Variants in SNTB1 observed in about 807,000 individuals in gnomAD.
SNTB1 encodes syntrophin beta 1, also known as beta-1-syntrophin.
Under a neutral mutation model 48.9 loss-of-function variants are expected in SNTB1, and 36 were observed. The observed-to-expected ratio is 0.74, with a 90% CI of 0.56 to 0.97. SNTB1 has a LOEUF of 0.97. Ranked by LOEUF, SNTB1 falls within the 50% of genes least tolerant of loss-of-function variation. The pLI is 0.00. For missense variants in SNTB1, 786 were observed against 703.4 expected (o/e 1.12, Z -1.33); for synonymous variants, 299 against 294.6 (o/e 1.01, Z -0.15).
chr8:120,670,560 G>A (rs1474639410), intron 2 of SNTB1, among the ~76,000 whole-genome samples: 1 of 152,206 alleles, frequency 6.6e-6, no homozygotes, highest in African/African-American at 2.4e-5. Context: ...AGCAGAAGAT[G>A]TCACTAAGGT....
At chr8:120,572,837 C>A (rs1587001930) in intron 4 of SNTB1, among the ~76,000 whole-genome samples, 2 of 152,152 alleles carry the variant, frequency 1.3e-5, no homozygotes, top group Non-Finnish European at 2.9e-5. Flanking sequence ...ATCACTTGAA[C>A]CCGGGAGGCA....
chr8:120,603,343 ACC>A, intron 3 of SNTB1, among the ~76,000 whole-genome samples: 1 of 151,986 alleles, frequency 6.6e-6, no homozygotes, highest in Non-Finnish European at 1.5e-5. Context: ...CAAGTGATCC[ACC>A]CGCCTTGGCC....
chr8:120,642,782 C>T lies in SNTB1; in HGVS notation c.789-10131G>A, dbSNP rs188181314. Among the ~76,000 whole-genome samples the T allele has an allele frequency of 3.3e-3, 498 of 152,182 alleles. 2 individuals carry two copies. Among genetic ancestry groups the T allele is most frequent in the African/African-American group, 0.011 (470 of 41,512 alleles). On this transcript the variant is annotated intron_variant, in intron 2 of 6. Transcript: ENST00000517992. ...TAAAAATTAGTCAGGCATGGTGGTG[C>T]ACACCTGTAGTCCCAGCTACTCAGG...
intron 3 of SNTB1, among the ~76,000 whole-genome samples, chr8:120,609,226 A>G (rs1816577222): frequency 2.6e-5 from 4 of 152,216 alleles, no homozygotes; most frequent in Admixed American, 2.6e-4. Flanking sequence ...GCAAGAAAAA[A>G]TATCTTAAAA....
At chr8:120,587,391 C>A (rs1289478118) in intron 3 of SNTB1, among the ~76,000 whole-genome samples, 1 of 152,192 alleles carries the variant, frequency 6.6e-6, no homozygotes, top group Admixed American at 6.5e-5. Flanking sequence ...CCACAATAAT[C>A]CTCTGGCCCC....
At chr8:120,546,018 G>A (rs545152292) in intron 5 of SNTB1, among the ~76,000 whole-genome samples, 39 of 152,310 alleles carry the variant, frequency 2.6e-4, no homozygotes, top group African/African-American at 8.7e-4. Context: ...AAATAGAACT[G>A]GAATTTGAAT....
chr8:120,622,117 C>T (rs3890759), intron 3 of SNTB1, among the ~76,000 whole-genome samples: 12,261 of 152,086 alleles, frequency 0.081, 1,117 homozygotes, highest in East Asian at 0.45. Flanking sequence ...TTACAAGCTG[C>T]GGGGCCAAAA....
rs1815205676 is a variant in SNTB1 at position 120,536,553 on chromosome 8, A to C, written c.*2324T>G. 1 of 152,194 alleles carries C rather than the reference A, an allele frequency of 6.6e-6. No homozygotes were observed. The highest frequency in any genetic ancestry group is 1.5e-5 in the Non-Finnish European group (1 of 68,022). The allele number at this position is 152,194 out of a possible 1,614,324, so 9.4% of individuals were successfully genotyped here. On this transcript the variant is annotated 3_prime_UTR_variant, in exon 7 of 7. Coordinates refer to ENST00000517992, the MANE Select transcript of SNTB1 (RefSeq NM_021021.4). The stretch of plus-strand genomic sequence containing the variant: ...CATTAGAGCCTCTCTATTATGATAC[A>C]TTTTAACTTGGGGGAAAAATGATTC...
chr8:120,660,820 C>T (rs1229384697), intron 2 of SNTB1, among the ~76,000 whole-genome samples: 1 of 152,094 alleles, frequency 6.6e-6, no homozygotes, highest in Non-Finnish European at 1.5e-5. Flanking sequence ...CACTTAGAAA[C>T]CTTCAAAGAG....
At chr8:120,782,787 C>T (rs561559512) in intron 1 of SNTB1, among the ~76,000 whole-genome samples, 2 of 152,292 alleles carry the variant, frequency 1.3e-5, no homozygotes, top group African/African-American at 4.8e-5. Context: ...TAAATGAAAT[C>T]TGAGCACCTC....
intron 2 of SNTB1, among the ~76,000 whole-genome samples, chr8:120,665,217 C>T (rs190293415): frequency 1.1e-4 from 16 of 152,106 alleles, no homozygotes; most frequent in African/African-American, 2.9e-4. Flanking sequence ...TTTGGGAGGC[C>T]GAGGTGGGTG....
intron 3 of SNTB1, among the ~76,000 whole-genome samples, chr8:120,611,552 G>A (rs1391596735): frequency 1.3e-5 from 2 of 151,486 alleles, no homozygotes; most frequent in Non-Finnish European, 2.9e-5. Context: ...GGCCAGGTGC[G>A]GTAGCTCACG....
At position 120,639,961 on chromosome 8, in the gene SNTB1, C is replaced by T. The variant is rs569907721; in HGVS notation, c.789-7310G>A. ...GGGATGGCATTGAATCTGTAAATTA[C>T]GTTGGGCAGTATGGCCATTTTCACG... On this transcript the variant is annotated intron_variant, in intron 2 of 6. Transcript: ENST00000517992. Among the ~76,000 whole-genome samples the T allele has an allele frequency of 2.1e-3, 326 of 151,984 alleles. 3 individuals are homozygous for T. Among genetic ancestry groups the T allele is most frequent in the Non-Finnish European group, 1.7e-3 (115 of 67,960 alleles).
chr8:120,797,683 A>G (rs1820145192), intron 1 of SNTB1, among the ~76,000 whole-genome samples: 1 of 150,538 alleles, frequency 6.6e-6, no homozygotes, highest in Non-Finnish European at 1.5e-5. Flanking sequence ...TCTTAGGAGC[A>G]TACACTCAAG....
Position 120,693,688 on chromosome 8 carries a change from T to C in SNTB1, c.788+4A>G. 6.2e-7 allele frequency: 1 copy of C among 1,613,288 alleles called. No individual in the cohort carries two copies. The highest frequency in any genetic ancestry group is 1.7e-4 in the Middle Eastern group (1 of 6,054). On this transcript the variant is annotated splice_donor_region_variant and intron_variant, in intron 2 of 6. Coordinates refer to ENST00000517992, the MANE Select transcript of SNTB1 (RefSeq NM_021021.4). ...ATACAGTGGAGAGTTTTGACCCTAT[T>C]TACCTGTTCTCAGGGTCGGCCAAGG...
intron 2 of SNTB1, among the ~76,000 whole-genome samples, chr8:120,656,099 AGT>A: frequency 6.6e-6 from 1 of 152,260 alleles, no homozygotes; most frequent in East Asian, 1.9e-4. Context: ...CCTTAACTAG[AGT>A]TGGAGTTGAT....
At chr8:120,661,464 A>G (rs985225704) in intron 2 of SNTB1, among the ~76,000 whole-genome samples, 1 of 152,088 alleles carries the variant, frequency 6.6e-6, no homozygotes, top group Non-Finnish European at 1.5e-5. Context: ...TAGAGTCCAG[A>G]TTTCTTTTTT....
At chr8:120,787,635 A>T (rs1003168158) in intron 1 of SNTB1, among the ~76,000 whole-genome samples, 1 of 152,168 alleles carries the variant, frequency 6.6e-6, no homozygotes, top group African/African-American at 2.4e-5. Flanking sequence ...GAAGAATTTC[A>T]GAGCCTGAGG....
chr8:120,568,301 A>C (rs1815785852), intron 4 of SNTB1, among the ~76,000 whole-genome samples: 1 of 152,168 alleles, frequency 6.6e-6, no homozygotes, highest in Non-Finnish European at 1.5e-5. Context: ...TGGGAAGCTC[A>C]GCCTGGAGCT....
Sources: gnomAD v4.1 joint callset for allele counts (sites outside exome capture counted in the v4.1 genomes callset) on GRCh38, gnomAD v4.1.1 for gene constraint, MANE v1.5 for transcripts, NCBI Gene and HGNC (gene_info 2026-07-23, HGNC 2026-07-21) for gene names.